The following DPP10 variants were observed in gnomAD, a reference collection of about 807,000 sequenced individuals.
DPP10 encodes dipeptidyl peptidase like 10, also known as inactive dipeptidyl peptidase 10.
Under a neutral mutation model 120.9 loss-of-function variants are expected in DPP10, and 33 were observed. That is an observed-to-expected ratio of 0.27 (90% CI 0.21 to 0.37). The LOEUF (loss-of-function observed/expected upper bound fraction) is 0.37, where lower values mean the gene tolerates loss of function less well. Ranked by LOEUF, DPP10 falls within the 10% of genes least tolerant of loss-of-function variation. The pLI is 1.00. For synonymous variants in DPP10, 337 were observed against 326.1 expected (o/e 1.03, Z -0.36); for missense variants, 816 against 942.8 (o/e 0.87, Z 1.76).
At chr2:114,886,052 C>A (rs747892677) in intron 1 of DPP10, among the ~76,000 whole-genome samples, 1 of 152,128 alleles carries the variant, frequency 6.6e-6, no homozygotes, top group Admixed American at 6.6e-5. Flanking sequence ...CCATTATAAA[C>A]TTATAGGTCT....
At chr2:115,193,744 A>G (rs569711155) in intron 1 of DPP10, among the ~76,000 whole-genome samples, 113 of 152,288 alleles carry the variant, frequency 7.4e-4, no homozygotes, top group African/African-American at 2.5e-3. Context: ...GAGCAGACCA[A>G]TTATTAGGCA....
intron 1 of DPP10, among the ~76,000 whole-genome samples, chr2:115,071,902 A>G (rs1707398495): frequency 1.3e-5 from 2 of 152,160 alleles, no homozygotes; most frequent in African/African-American, 4.8e-5. Context: ...TTCTTGGCCA[A>G]ATTTCTTGGC....
chr2:115,489,724 GT>G (rs2075998730), intron 3 of DPP10, among the ~76,000 whole-genome samples: 1 of 150,020 alleles, frequency 6.7e-6, no homozygotes, highest in South Asian at 2.2e-4. Context: ...TATATTTTTT[GT>G]TATATTTTGA....
intron 9 of DPP10, among the ~76,000 whole-genome samples, chr2:115,740,126 T>C (rs1677072744): frequency 6.6e-6 from 1 of 152,086 alleles, no homozygotes; most frequent in African/African-American, 2.4e-5. Flanking sequence ...TTTCTTTCCT[T>C]TTGATGCTCA....
chr2:114,775,580 T>G (rs1220500658), intron 1 of DPP10, among the ~76,000 whole-genome samples: 1 of 152,000 alleles, frequency 6.6e-6, no homozygotes, highest in Non-Finnish European at 1.5e-5. Flanking sequence ...AGATCTCAGC[T>G]GGAGGGAAAG....
intron 5 of DPP10, among the ~76,000 whole-genome samples, chr2:115,612,235 G>T (rs1396610491): frequency 6.6e-6 from 1 of 152,074 alleles, no homozygotes; most frequent in East Asian, 1.9e-4. Flanking sequence ...GAGGAAGCAT[G>T]AAATTTTCCA....
intron 10 of DPP10, among the ~76,000 whole-genome samples, chr2:115,748,349 C>A (rs1002881766): frequency 2.0e-5 from 3 of 151,624 alleles, no homozygotes; most frequent in Admixed American, 2.0e-4. Context: ...TATAAACTAT[C>A]ATTTTTTTCT....
chr2:114,935,185 C>T (rs1165723357), intron 1 of DPP10, among the ~76,000 whole-genome samples: 1 of 152,140 alleles, frequency 6.6e-6, no homozygotes, highest in African/African-American at 2.4e-5. Flanking sequence ...CGGTCTTCTA[C>T]TCTAATCTCT....
At chr2:114,608,177 G>C (rs1692977179) in intron 1 of DPP10, among the ~76,000 whole-genome samples, 3 of 152,178 alleles carry the variant, frequency 2.0e-5, no homozygotes, top group African/African-American at 7.2e-5. Context: ...CTTATTCTTA[G>C]TGAGTTACAA....
At chr2:115,007,374 A>G (rs1470702047) in intron 1 of DPP10, among the ~76,000 whole-genome samples, 3 of 152,104 alleles carry the variant, frequency 2.0e-5, no homozygotes, top group East Asian at 3.9e-4. Context: ...AAATTCAACA[A>G]CCTTTCATGC....
At chr2:115,821,097 C>G (rs1485046108) in intron 21 of DPP10, among the ~76,000 whole-genome samples, 4 of 152,058 alleles carry the variant, frequency 2.6e-5, no homozygotes, top group Non-Finnish European at 4.4e-5. Flanking sequence ...CCATGTGTGC[C>G]TAAAAGTGTT....
intron 1 of DPP10, among the ~76,000 whole-genome samples, chr2:114,762,997 G>A (rs777038514): frequency 8.5e-5 from 13 of 152,214 alleles, no homozygotes; most frequent in Non-Finnish European, 1.8e-4. Context: ...GAGATTGGGG[G>A]AAAAACACTT....
rs190360107 is a variant in DPP10 at position 115,673,480 on chromosome 2, G to A, written c.442-16207G>A. Among the ~76,000 whole-genome samples, 74 of 152,268 alleles carry A rather than the reference G, an allele frequency of 4.9e-4. No homozygotes were observed. The Middle Eastern group carries it at 0.014, about 28-fold the overall frequency. ...GTTTAGGGAGTCAAGACATGCCTAA[G>A]AGTACCCAGATAATTGACCTAGATA... On this transcript the variant is annotated intron_variant, in intron 5 of 25. Coordinates refer to ENST00000410059, the MANE Select transcript of DPP10 (RefSeq NM_020868.6).
chr2:114,828,695 A>G (rs1407053980), intron 1 of DPP10: 10 of 152,210 alleles, frequency 6.6e-5, no homozygotes, highest in African/African-American at 2.4e-4. Flanking sequence ...CAAGAGTTAA[A>G]AGACATAGAA....
At chr2:115,839,336 C>T (rs1217526131) in intron 24 of DPP10, among the ~76,000 whole-genome samples, 1 of 152,110 alleles carries the variant, frequency 6.6e-6, no homozygotes, top group Non-Finnish European at 1.5e-5. Context: ...ATTAAAGAGG[C>T]TTAAACTATT....
At chr2:115,230,577 T>C (rs767653605) in intron 1 of DPP10, among the ~76,000 whole-genome samples, 41 of 152,196 alleles carry the variant, frequency 2.7e-4, no homozygotes, top group Middle Eastern at 3.4e-3. Context: ...GATTGTAGAC[T>C]TTCTAATTGA....
At chr2:114,691,811 G>A (rs1220061828) in intron 1 of DPP10, among the ~76,000 whole-genome samples, 2 of 151,838 alleles carry the variant, frequency 1.3e-5, no homozygotes, top group Non-Finnish European at 2.9e-5. Flanking sequence ...TCAGTTTTGG[G>A]AGGATATATG....
At chr2:115,329,840 T>G (rs1444055478) in intron 2 of DPP10, among the ~76,000 whole-genome samples, 1 of 152,220 alleles carries the variant, frequency 6.6e-6, no homozygotes, top group South Asian at 2.1e-4. Flanking sequence ...CTATCATTGA[T>G]GGACATTTGG....
intron 19 of DPP10, among the ~76,000 whole-genome samples, chr2:115,813,464 A>G (rs1489863871): frequency 2.6e-5 from 4 of 152,158 alleles, no homozygotes; most frequent in East Asian, 1.9e-4. Flanking sequence ...GTCAGATTGA[A>G]TTAGGGCCCA....
Sources: gnomAD v4.1 joint callset for allele counts (sites outside exome capture counted in the v4.1 genomes callset) on GRCh38, gnomAD v4.1.1 for gene constraint, MANE v1.5 for transcripts, NCBI Gene and HGNC (gene_info 2026-07-23, HGNC 2026-07-21) for gene names.